The following TBC1D10C variants were observed in gnomAD, a reference collection of about 807,000 sequenced individuals.
TBC1D10C encodes carabin.
In TBC1D10C, 49 loss-of-function variants were observed where a neutral mutation model predicts 51.0. The ratio of observed to expected loss-of-function variants is 0.96; its 90% confidence interval spans 0.76 to 1.22. TBC1D10C has a LOEUF of 1.22. Ranked by LOEUF, TBC1D10C falls within the 50% of genes most tolerant of loss-of-function variation. The pLI is 0.00. For synonymous variants in TBC1D10C, 281 were observed against 266.7 expected (o/e 1.05, Z -0.52); for missense variants, 541 against 617.5 (o/e 0.88, Z 1.31).
chr11:67,407,366 A>T, intron 7 of TBC1D10C: 2 of 241,806 alleles, frequency 8.3e-6, no homozygotes, highest in Non-Finnish European at 1.6e-5. Flanking sequence ...CTGGGAATCA[A>T]GTGATCGAGA....
intron 8 of TBC1D10C, 110 bp from the exon 9 acceptor site, chr11:67,409,297 A>G (rs1863338457): frequency 7.2e-7 from 1 of 1,393,482 alleles, no homozygotes; most frequent in Admixed American, 2.5e-5. Flanking sequence ...GTGGCTCCCC[A>G]GTGAGGCTGT....
rs771396666 is a variant in TBC1D10C at position 67,409,500 on chromosome 11, C to T, written c.1087C>T (p.Arg363Trp). The change falls in exon 9 of 9, where the codon CGG (arginine) becomes TGG (tryptophan). Residue 363 changes from arginine (R) to tryptophan (W), a missense_variant. Arg to Trp is a moderately radical substitution (Grantham distance 101). Coordinates refer to ENST00000542590, the MANE Select transcript of TBC1D10C (RefSeq NM_001369496.1). ...LPDSAPGPPP[R>W]PQVRLAGAQA... ...CGATTCCGCGCCGGGACCCCCGCCC[C>T]GGCCACAGGTCCGCCTCGCCGGGGC... The T allele has an allele frequency of 7.2e-5, 111 of 1,548,418 alleles. No homozygotes were observed. The highest frequency in any genetic ancestry group is 1.7e-4 in the Middle Eastern group (1 of 5,854).
At chr11:67,409,316 C>G in intron 8 of TBC1D10C, 91 bp from the exon 9 acceptor site, 1 of 1,429,780 alleles carries the variant, frequency 7.0e-7, no homozygotes, top group Non-Finnish European at 9.4e-7. Context: ...GTCAGCCCCT[C>G]AGTCCTCAGC....
chr11:67,406,755 C>T (rs2135032064), intron 6 of TBC1D10C, 63 bp downstream of exon 6: 1 of 1,601,968 alleles, frequency 6.2e-7, no homozygotes, highest in Non-Finnish European at 8.5e-7. Context: ...GGGTGGGGGT[C>T]TGGGGACTGA....
chr11:67,406,324 G>A lies in TBC1D10C; in HGVS notation c.583-303G>A, dbSNP rs566993118. Reference sequence around the variant, plus strand: ...CCAACCCCAAAGACCCAGAAACCCAGGACTTGAACTTTGGGACACTCCCAA... The same window carrying A: ...CCAACCCCAAAGACCCAGAAACCCAAGACTTGAACTTTGGGACACTCCCAA... On this transcript the variant is annotated intron_variant, in intron 5 of 8. Transcript: ENST00000542590. 3.1e-5 allele frequency: 16 copies of A among 512,936 alleles called. No individual in the cohort carries two copies. The East Asian group carries it at 3.5e-4, about 11-fold the overall frequency. 31.8% of individuals were successfully genotyped at this position (512,936 alleles called of 1,614,324 possible). A position where few individuals can be genotyped will look rare whatever the true frequency, so the allele number is the denominator to read the frequency against.
rs1273270477 is a variant in TBC1D10C at position 67,409,816 on chromosome 11, A to G, written c.*62A>G. On this transcript the variant is annotated 3_prime_UTR_variant, in exon 9 of 9. Transcript: ENST00000542590. ...CCTGATGGCTGATGCCGGCCCGGCAAATAGGCACCGCACTTTACTCTTGGG... is the reference window on the plus strand; with the variant it reads ...CCTGATGGCTGATGCCGGCCCGGCAGATAGGCACCGCACTTTACTCTTGGG... 2 of 1,380,510 alleles carry G rather than the reference A, an allele frequency of 1.4e-6. No individual in the cohort carries two copies. The highest frequency in any genetic ancestry group is 1.4e-5 in the African/African-American group (1 of 69,020). The allele number at this position is 1,380,510 out of a possible 1,614,324, so 85.5% of individuals were successfully genotyped here. A position where few individuals can be genotyped will look rare whatever the true frequency, so the allele number is the denominator to read the frequency against.
chr11:67,409,552 T>G lies in TBC1D10C; in HGVS notation c.1139T>G (p.Leu380Arg), dbSNP rs1199142213. 2 of 1,548,702 alleles carry G rather than the reference T, an allele frequency of 1.3e-6. No individual in the cohort carries two copies. Among genetic ancestry groups the G allele is most frequent in the Non-Finnish European group, 1.7e-6 (2 of 1,146,636 alleles). ...CAAGCCATCTTTGAGGCCCAGCAGC[T>G]GGCAGGAGTGCGACGAGGCGCCAAG... Reference protein sequence around the residue: ...GAQAIFEAQQLAGVRRGAKPE... With the variant: ...GAQAIFEAQQRAGVRRGAKPE... The change falls in exon 9 of 9, where the codon CTG becomes CGG. Residue 380 changes from leucine (L) to arginine (R), a missense_variant. Coordinates refer to ENST00000542590, the MANE Select transcript of TBC1D10C (RefSeq NM_001369496.1).
rs1472798435 is a variant in TBC1D10C at position 67,409,056 on chromosome 11, C to T, written c.916C>T (p.Pro306Ser). 6.3e-7 allele frequency: 1 copy of T among 1,598,452 alleles called. No homozygotes were observed. The highest frequency in any genetic ancestry group is 2.3e-5 in the East Asian group (1 of 44,140). The change falls in exon 8 of 9, where the codon CCT becomes TCT. Residue 306 changes from proline to serine, a missense_variant. Transcript: ENST00000542590. Reference sequence around the variant, plus strand: ...CACTGCAGAGCAGCGAGGGGCCTGCCCTGGCCTCCTGGAGACACTGGGAGC... The same window carrying T: ...CACTGCAGAGCAGCGAGGGGCCTGCTCTGGCCTCCTGGAGACACTGGGAGC... ...LGTAEQRGAC[P>S]GLLETLGALR...
chr11:67,407,383 A>T, intron 7 of TBC1D10C: 11 of 215,474 alleles, frequency 5.1e-5, no homozygotes, highest in Non-Finnish European at 9.2e-5. Context: ...GAGACCTTCA[A>T]TTCTGGCGGG....
rs991362893 is a variant in TBC1D10C, at chr11:67,409,903, G to A, written c.*149G>A. ...GCAGTGGGGAAGGAGGAGGTCCTCC[G>A]TGGTACATACTGGGTCAGGCACTAG... On this transcript the variant is annotated 3_prime_UTR_variant, in exon 9 of 9. Transcript: ENST00000542590. 146 of 694,372 alleles carry A rather than the reference G, an allele frequency of 2.1e-4. 1 individual carries two copies. Among genetic ancestry groups the A allele is most frequent in the African/African-American group, 2.0e-3 (112 of 55,134 alleles). 43.0% of individuals were successfully genotyped at this position (694,372 alleles called of 1,614,324 possible).
At position 67,409,748 on chromosome 11, in the gene TBC1D10C, C is replaced by A. The variant is rs1204123497; in HGVS notation, c.1335C>A (p.Arg445=). The part of the protein sequence containing the change: ...QRGSTSFLDT[R]F ...GCTCCACCTCCTTCCTGGACACCCGCTTCTGAGAGGACCATGGACTTAGTG... is the reference window on the plus strand; with the variant it reads ...GCTCCACCTCCTTCCTGGACACCCGATTCTGAGAGGACCATGGACTTAGTG... The change falls in exon 9 of 9, where the codon CGC becomes CGA. Residue 445 remains arginine, a synonymous_variant. Coordinates refer to ENST00000542590, the MANE Select transcript of TBC1D10C (RefSeq NM_001369496.1). The A allele has an allele frequency of 1.9e-6, 3 of 1,582,670 alleles. No homozygotes were observed. Among genetic ancestry groups the A allele is most frequent in the South Asian group, 2.2e-5 (2 of 88,916 alleles).
At position 67,406,989 on chromosome 11, in the gene TBC1D10C, C is replaced by T. The variant is rs763505240; in HGVS notation, c.811C>T (p.Arg271Cys). 9 of 1,612,494 alleles carry T rather than the reference C, an allele frequency of 5.6e-6. No homozygotes were observed. Among genetic ancestry groups the T allele is most frequent in the Non-Finnish European group, 7.6e-6 (9 of 1,179,750 alleles). ...ARSLPFPTVL[R>C]VWDAFLSEGA... is the part of the protein sequence containing the mutation. ...CTCCCTGCCCTTCCCCACAGTGCTG[C>T]GTGTCTGGGATGCCTTCCTCAGTGA... Residue 271 changes from arginine (R) to cysteine (C), a missense_variant, in exon 7 of 9, where the codon CGT (arginine) becomes TGT (cysteine). Coordinates refer to ENST00000542590, the MANE Select transcript of TBC1D10C (RefSeq NM_001369496.1).
chr11:67,409,788 T>C lies in TBC1D10C; in HGVS notation c.*34T>C, dbSNP rs373889632. On this transcript the variant is annotated 3_prime_UTR_variant, in exon 9 of 9. Transcript: ENST00000542590. ...TGGACTTAGTGTCCCCCAGTCTCAA[T>C]TGCCTGATGGCTGATGCCGGCCCGG... The C allele has an allele frequency of 3.9e-4, 595 of 1,515,472 alleles. 4 individuals are homozygous for C. In the African/African-American group the frequency reaches 7.2e-3, roughly 18 times the overall value. 93.9% of individuals were successfully genotyped at this position (1,515,472 alleles called of 1,614,324 possible). A position where few individuals can be genotyped will look rare whatever the true frequency, so the allele number is the denominator to read the frequency against.
intron 4 of TBC1D10C, 89 bp downstream of exon 4, chr11:67,405,790 C>A (rs1330116838): frequency 2.6e-6 from 4 of 1,558,374 alleles, no homozygotes; most frequent in Non-Finnish European, 3.5e-6. Flanking sequence ...TACAGTCTTG[C>A]ATCTCAGGGG....
rs1477326907 is a variant in TBC1D10C, at chr11:67,409,374, C to A, written c.994-33C>A. 3 of 1,535,432 alleles carry A rather than the reference C, an allele frequency of 2.0e-6. No homozygotes were observed. In the South Asian group the frequency reaches 3.6e-5, roughly 18 times the overall value. ...ACAGTTTCCTGTTCCTGCCTTGAGG[C>A]CGGGCAAACGCAGCACCAACTGCTC... On this transcript the variant is annotated intron_variant, in intron 8 of 8. Transcript: ENST00000542590.
chr11:67,409,709 C>G lies in TBC1D10C; in HGVS notation c.1296C>G (p.Pro432=), dbSNP rs1252955911. The part of the protein sequence containing the change: ...RARGPPIEGP[P]RPQRGSTSFL... ...GGGGCCCCCCCATCGAGGGGCCCCCCAGGCCCCAACGAGGCTCCACCTCCT... is the reference window on the plus strand; with the variant it reads ...GGGGCCCCCCCATCGAGGGGCCCCCGAGGCCCCAACGAGGCTCCACCTCCT... The change falls in exon 9 of 9, where the codon CCC becomes CCG. Residue 432 remains proline, a synonymous_variant. Transcript: ENST00000542590. The G allele has an allele frequency of 2.5e-6, 4 of 1,593,278 alleles. No homozygotes were observed. In the East Asian group the frequency reaches 8.9e-5, roughly 36 times the overall value.
rs1863148234 is a variant in TBC1D10C at position 67,406,022 on chromosome 11, G to A, written c.582+5G>A. 1.3e-6 allele frequency: 2 copies of A among 1,569,054 alleles called. No individual in the cohort carries two copies. The highest frequency in any genetic ancestry group is 1.7e-6 in the Non-Finnish European group (2 of 1,161,278). Reference sequence around the variant, plus strand: ...CTCATGCACCTGCCCCCAGAGGTGAGTGACCTTGACCCTGCTCTGGGAACC... The same window carrying A: ...CTCATGCACCTGCCCCCAGAGGTGAATGACCTTGACCCTGCTCTGGGAACC... On this transcript the variant is annotated splice_donor_5th_base_variant and intron_variant, in intron 5 of 8. Transcript: ENST00000542590.
intron 1 of TBC1D10C, chr11:67,404,857 A>C: frequency 5.7e-6 from 3 of 530,194 alleles, no homozygotes; most frequent in Admixed American, 3.2e-5. Context: ...CTCCCCCAAT[A>C]CACACCCACT....
At chr11:67,408,055 C>T (rs1863267502) in intron 7 of TBC1D10C, 1 of 152,268 alleles carries the variant, frequency 6.6e-6, no homozygotes, top group Non-Finnish European at 1.5e-5. Flanking sequence ...ACACAGGCTC[C>T]CTTTATCAGA....
Sources: allele counts gnomAD v4.1 joint callset, GRCh38; gene constraint gnomAD v4.1.1; transcripts MANE v1.5; gene names NCBI Gene and HGNC (gene_info 2026-07-23, HGNC 2026-07-21).